CACNG4: variants seen among roughly 807,000 people sequenced by gnomAD.
CACNG4 encodes calcium voltage-gated channel auxiliary subunit gamma 4.
CACNG4 carries 8 observed loss-of-function variants against 22.9 expected under a neutral mutation model. The ratio of observed to expected loss-of-function variants is 0.35; its 90% CI spans 0.21 to 0.63. The LOEUF (loss-of-function observed/expected upper bound fraction) is 0.63, where lower values mean the gene tolerates loss of function less well. Among genes scored for constraint, CACNG4 ranks in the 30% least tolerant of loss-of-function variants. The pLI, the probability that CACNG4 is intolerant of heterozygous loss-of-function variation, is 0.72. For synonymous variants in CACNG4, 188 were observed against 191.9 expected, an observed-to-expected ratio of 0.98 and a Z score of 0.17; for missense variants, 357 against 455.4, an observed-to-expected ratio of 0.78 and a Z score of 1.97.
chr17:66,965,065 C>G lies in CACNG4; in HGVS notation c.154C>G (p.Pro52Ala). The change falls in exon 1 of 4, where the codon CCC becomes GCC. Residue 52 changes from proline to alanine, a missense_variant. Physicochemically the swap from Pro to Ala is conservative, Grantham distance 27. This residue lies in a region of CACNG4 where 114 missense variants were observed against 161.6 expected (regional missense o/e 0.71). Coordinates refer to ENST00000262138, the MANE Select transcript of CACNG4 (RefSeq NM_014405.4). The stretch of plus-strand genomic sequence containing the variant: ...CACCAACCTGACCATGGACGACGGG[C>G]CCCCGCCCCGCCGCGCCCGCGGCGA... ...NGTNLTMDDG[P>A]PPRRARGDLT... The G allele has an allele frequency of 6.3e-7, 1 of 1,594,090 alleles. No homozygotes were observed. Among genetic ancestry groups the G allele is most frequent in the South Asian group, 1.1e-5 (1 of 89,704 alleles).
intron 1 of CACNG4, among the ~76,000 whole-genome samples, chr17:66,989,757 T>G (rs962843782): frequency 2.0e-5 from 3 of 151,504 alleles, no homozygotes; most frequent in Admixed American, 2.0e-4. Flanking sequence ...ACTCCCTTTG[T>G]AGGCTAAGAA....
intron 2 of CACNG4, among the ~76,000 whole-genome samples, chr17:67,022,548 C>A (rs754991918): frequency 2.6e-5 from 4 of 152,224 alleles, no homozygotes; most frequent in Non-Finnish European, 5.9e-5. Context: ...GCATTTAATG[C>A]CCCCAGACAA....
In CACNG4 at chr17:67,030,748, C is replaced by T. The variant is rs757772003; in HGVS notation, c.728C>T (p.Ser243Leu). 1.2e-6 allele frequency: 2 copies of T among 1,614,206 alleles called. No individual in the cohort carries two copies. ...MPSYRYRRRR[S>L]RSSSRSTEAS... Reference sequence around the variant, plus strand: ...AGCTACAGGTACCGGCGACGGCGCTCGAGGTCCAGCTCAAGGTCCACCGAG... The same window carrying T: ...AGCTACAGGTACCGGCGACGGCGCTTGAGGTCCAGCTCAAGGTCCACCGAG... Residue 243 changes from serine (S) to leucine (L), a missense_variant, in exon 4 of 4, where the codon TCG (serine) becomes TTG (leucine). By Grantham distance (145) the Ser-to-Leu change is moderately radical. Around this residue, in one of 3 missense-constraint regions of CACNG4, gnomAD observed 240 missense variants for 277.6 expected, o/e 0.86. Transcript: ENST00000262138. This position sits in a 1 kb window ranked among gnomAD's most constrained non-coding sequence, Gnocchi z 6.4.
chr17:67,020,178 C>T (rs908290851), intron 2 of CACNG4: 1 of 152,586 alleles, frequency 6.6e-6, no homozygotes, highest in South Asian at 2.1e-4. Context: ...GGGCAGAACT[C>T]CCTCGCCGAG....
At chr17:66,983,638 T>A (rs1045979547) in intron 1 of CACNG4, among the ~76,000 whole-genome samples, 3 of 152,318 alleles carry the variant, frequency 2.0e-5, no homozygotes, top group Admixed American at 1.3e-4. Flanking sequence ...GCTGTCAGAC[T>A]GAGGGCGGCT....
intron 1 of CACNG4, among the ~76,000 whole-genome samples, chr17:66,994,555 C>T (rs1401560865): frequency 1.3e-5 from 2 of 152,158 alleles, no homozygotes; most frequent in Non-Finnish European, 2.9e-5. Flanking sequence ...CCCCAGGGGC[C>T]CAGTCCTGGT....
At chr17:67,024,765 G>A (rs2035552769) in intron 2 of CACNG4, 95 bp from the exon 3 acceptor site, 1 of 1,301,030 alleles carries the variant, frequency 7.7e-7, no homozygotes, top group Non-Finnish European at 1.0e-6. Flanking sequence ...GAAGGGCCTG[G>A]AGCTGCAAGG....
intron 3 of CACNG4, 55 bp downstream of exon 3, chr17:67,025,055 C>G: frequency 1.3e-6 from 2 of 1,496,122 alleles, no homozygotes; most frequent in Non-Finnish European, 1.8e-6. Context: ...ACAGGAGTGC[C>G]TGTCTCGTGT....
intron 1 of CACNG4, among the ~76,000 whole-genome samples, chr17:67,002,448 C>T (rs1451374274): frequency 6.6e-6 from 1 of 152,100 alleles, no homozygotes; most frequent in Non-Finnish European, 1.5e-5. Flanking sequence ...TGGGTTGGAA[C>T]TTGGTATCTG....
At chr17:66,986,633 A>T (rs1436204767) in intron 1 of CACNG4, among the ~76,000 whole-genome samples, 1 of 152,216 alleles carries the variant, frequency 6.6e-6, no homozygotes, top group East Asian at 1.9e-4. Context: ...CAGATGGTAC[A>T]AGGCTTGCGT....
intron 3 of CACNG4, among the ~76,000 whole-genome samples, chr17:67,029,835 G>A (rs577288156): frequency 6.6e-6 from 1 of 152,324 alleles, no homozygotes; most frequent in South Asian, 2.1e-4. Flanking sequence ...AAACAAAAAT[G>A]TATTTTAAGT....
intron 1 of CACNG4, among the ~76,000 whole-genome samples, chr17:66,973,785 A>G (rs907106014): frequency 5.3e-5 from 8 of 152,148 alleles, no homozygotes; most frequent in Non-Finnish European, 1.0e-4. Flanking sequence ...AACAGCTTCA[A>G]AAAGGGAACA....
At chr17:67,022,909 A>G (rs1051609427) in intron 2 of CACNG4, among the ~76,000 whole-genome samples, 3 of 152,218 alleles carry the variant, frequency 2.0e-5, no homozygotes, top group African/African-American at 7.2e-5. Context: ...TAACCCTCCA[A>G]TGGGGCATGT....
chr17:66,983,823 T>C (rs2035290561), intron 1 of CACNG4, among the ~76,000 whole-genome samples: 1 of 152,178 alleles, frequency 6.6e-6, no homozygotes, highest in Non-Finnish European at 1.5e-5. Flanking sequence ...ACGTGGTGAC[T>C]CCCAGCTCGC....
chr17:67,031,038 C>A lies in CACNG4; in HGVS notation c.*34C>A. On this transcript the variant is annotated 3_prime_UTR_variant, in exon 4 of 4. Transcript: ENST00000262138. The surrounding 1 kb of genome is among the most constrained non-coding windows in gnomAD (Gnocchi z 4.0). ...CCCTTTCTCTCCGCTCCAGCCTCTCCCCAGAACGGCTCTTTTTGTCACACA... is the reference window on the plus strand; with the variant it reads ...CCCTTTCTCTCCGCTCCAGCCTCTCACCAGAACGGCTCTTTTTGTCACACA... The A allele has an allele frequency of 6.3e-7, 1 of 1,577,430 alleles. No individual in the cohort carries two copies. The highest frequency in any genetic ancestry group is 8.6e-7 in the Non-Finnish European group (1 of 1,161,280).
chr17:66,997,375 G>A (rs1156272997), intron 1 of CACNG4, among the ~76,000 whole-genome samples: 1 of 152,154 alleles, frequency 6.6e-6, no homozygotes, highest in Non-Finnish European at 1.5e-5. Context: ...GGAGCAAGAA[G>A]GCAATGAGAG....
chr17:67,024,848 C>T lies in CACNG4; in HGVS notation c.305-12C>T, dbSNP rs775945203. 2 of 1,526,704 alleles carry T rather than the reference C, an allele frequency of 1.3e-6. No homozygotes were observed. The highest frequency in any genetic ancestry group is 2.5e-5 in the South Asian group (2 of 79,252). 94.6% of individuals were successfully genotyped at this position (1,526,704 alleles called of 1,614,324 possible). On this transcript the variant is annotated splice_polypyrimidine_tract_variant and intron_variant, in intron 2 of 3. Coordinates refer to ENST00000262138, the MANE Select transcript of CACNG4 (RefSeq NM_014405.4). The stretch of plus-strand genomic sequence containing the variant: ...CTGCCCTCTGCTTTGTGCCCCCCAC[C>T]TCCCCGGCCAGGCATCGTGCGAGCC...
At position 67,032,111 on chromosome 17, in the gene CACNG4, C is replaced by T. The variant is rs1218787763; in HGVS notation, c.*1107C>T. 3 of 400,994 alleles carry T rather than the reference C, an allele frequency of 7.5e-6. No individual in the cohort carries two copies. Among genetic ancestry groups the T allele is most frequent in the Admixed American group, 5.7e-5 (2 of 34,830 alleles). 24.8% of individuals were successfully genotyped at this position (400,994 alleles called of 1,614,324 possible). On this transcript the variant is annotated 3_prime_UTR_variant, in exon 4 of 4. Transcript: ENST00000262138. ...GTAGCAGCAACTGGCCCCACAACTC[C>T]TGTCATTGTAAGTTATTCTGCCACC...
At chr17:67,002,672 G>A (rs1000653029) in intron 1 of CACNG4, among the ~76,000 whole-genome samples, 3 of 151,342 alleles carry the variant, frequency 2.0e-5, no homozygotes, top group Non-Finnish European at 2.9e-5. Context: ...TAGGGAGGCA[G>A]GGAATCATAG....
Sources: gnomAD v4.1 joint callset for allele counts (sites outside exome capture counted in the v4.1 genomes callset) on GRCh38, gnomAD v4.1.1 for gene constraint, gnomAD v4.1.1 regional missense constraint, Gnocchi (gnomAD v3.1) non-coding constraint, MANE v1.5 for transcripts, NCBI Gene and HGNC (gene_info 2026-07-23, HGNC 2026-07-21) for gene names.